LRRC38: variants seen among roughly 807,000 people sequenced by gnomAD.
LRRC38 encodes the protein leucine rich repeat containing 38.
A neutral mutation model predicts 16.4 loss-of-function variants in LRRC38; 5 were observed. The observed-to-expected ratio is 0.31, with a 90% confidence interval of 0.16 to 0.64. The LOEUF is 0.64. LRRC38 is among the 30% of genes least tolerant of loss of function. LRRC38 has a pLI of 0.80. For synonymous variants in LRRC38, 191 were observed against 190.2 expected, an observed-to-expected ratio of 1.00 and a Z score of -0.04; for missense variants, 341 against 401.8, an observed-to-expected ratio of 0.85 and a Z score of 1.29.
At chr1:13,493,044 C>T (rs1639035711) in intron 1 of LRRC38, among the ~76,000 whole-genome samples, 1 of 152,218 alleles carries the variant, frequency 6.6e-6, no homozygotes, top group African/African-American at 2.4e-5. Context: ...CCAGGGATAT[C>T]TTCCCGTGAG....
intron 1 of LRRC38, among the ~76,000 whole-genome samples, chr1:13,505,670 C>G (rs576332474): frequency 4.7e-4 from 71 of 152,130 alleles, no homozygotes; most frequent in Non-Finnish European, 7.9e-4. Context: ...AATGTTACGA[C>G]GTAACTACAA....
In LRRC38 at chr1:13,475,739, T is replaced by C; in HGVS notation, c.*107A>G. 1 of 1,421,722 alleles carries C rather than the reference T, an allele frequency of 7.0e-7. No homozygotes were observed. Among genetic ancestry groups the C allele is most frequent in the Non-Finnish European group, 9.4e-7 (1 of 1,059,426 alleles). 88.1% of individuals were successfully genotyped at this position (1,421,722 alleles called of 1,614,324 possible). A position where few individuals can be genotyped will look rare whatever the true frequency, so the allele number is the denominator to read the frequency against. On this transcript the variant is annotated 3_prime_UTR_variant, in exon 2 of 2. Coordinates refer to ENST00000376085, the MANE Select transcript of LRRC38 (RefSeq NM_001010847.2). This position sits in a 1 kb window ranked among gnomAD's most constrained non-coding sequence, Gnocchi z 4.3. ...AAGACACGGAACAGGCTCTGTTCAG[T>C]TCACAGATGGTGGCCAGTGCTTTTC... is the stretch of plus-strand genomic sequence containing the variant.
At chr1:13,480,646 GT>G (rs1277460202) in intron 1 of LRRC38, among the ~76,000 whole-genome samples, 3 of 151,850 alleles carry the variant, frequency 2.0e-5, no homozygotes, top group African/African-American at 7.3e-5. Flanking sequence ...TTGTGAATAA[GT>G]CTCACTACCA....
intron 1 of LRRC38, among the ~76,000 whole-genome samples, chr1:13,481,903 G>A (rs1638874922): frequency 6.6e-6 from 1 of 151,784 alleles, no homozygotes; most frequent in Non-Finnish European, 1.5e-5. Flanking sequence ...AGCCCTGCTG[G>A]CACCCTGATC....
At chr1:13,476,336 T>C (rs1261608362) in intron 1 of LRRC38, among the ~76,000 whole-genome samples, 1 of 150,190 alleles carries the variant, frequency 6.7e-6, no homozygotes, top group Non-Finnish European at 1.5e-5. Flanking sequence ...TTCAGGTGTT[T>C]GTTTTTTGTT....
At position 13,482,155 on chromosome 1, in the gene LRRC38, T is replaced by C. The variant is rs192710612; in HGVS notation, c.632-6056A>G. ...GGATACAAAAGGAAGGAAGGGAAGA[T>C]GGAAGGAAGGCAGGGAGAGTGGGAG... On this transcript the variant is annotated intron_variant, in intron 1 of 1. Coordinates refer to ENST00000376085, the MANE Select transcript of LRRC38 (RefSeq NM_001010847.2). Among the ~76,000 whole-genome samples, 10 of 152,022 alleles carry C rather than the reference T, an allele frequency of 6.6e-5. No individual in the cohort carries two copies. In the East Asian group the frequency reaches 1.9e-3, roughly 29 times the overall value.
At chr1:13,476,138 G>A (rs1164716770) in intron 1 of LRRC38, 39 bp from the exon 2 acceptor site, 6 of 1,542,408 alleles carry the variant, frequency 3.9e-6, no homozygotes, top group South Asian at 1.2e-5. Flanking sequence ...GATTTAGACT[G>A]CAGCTCAAGG....
intron 1 of LRRC38, among the ~76,000 whole-genome samples, chr1:13,499,248 G>A (rs573972970): frequency 3.9e-5 from 6 of 152,116 alleles, no homozygotes; most frequent in East Asian, 1.9e-4. Flanking sequence ...ACAGGTGCCC[G>A]CCACCAAACC....
At chr1:13,509,824 G>A (rs1217198457) in intron 1 of LRRC38, among the ~76,000 whole-genome samples, 2 of 152,142 alleles carry the variant, frequency 1.3e-5, no homozygotes, top group Non-Finnish European at 2.9e-5. Flanking sequence ...CTTATACACA[G>A]TCCCACCATG....
At chr1:13,478,804 A>G (rs796320847) in intron 1 of LRRC38, among the ~76,000 whole-genome samples, 14 of 152,244 alleles carry the variant, frequency 9.2e-5, no homozygotes, top group African/African-American at 3.4e-4. Context: ...CAGAAACAGG[A>G]GATGGAGGAA....
At chr1:13,509,154 G>A (rs1477411549) in intron 1 of LRRC38, among the ~76,000 whole-genome samples, 2 of 152,078 alleles carry the variant, frequency 1.3e-5, no homozygotes, top group Non-Finnish European at 2.9e-5. Context: ...TTCCGCCCCA[G>A]TCCATCCTTC....
intron 1 of LRRC38, 39 bp downstream of exon 1, chr1:13,512,924 C>CCCCAA: frequency 1.6e-6 from 2 of 1,215,338 alleles, no homozygotes; most frequent in Non-Finnish European, 2.3e-6. Context: ...TCTCCCTGCC[C>CCCCAA]CCCTCCCTCC....
At chr1:13,481,087 C>T (rs1638847929) in intron 1 of LRRC38, among the ~76,000 whole-genome samples, 1 of 152,132 alleles carries the variant, frequency 6.6e-6, no homozygotes, top group African/African-American at 2.4e-5. Flanking sequence ...GATTAGGTAA[C>T]TAGGGTGTGG....
intron 1 of LRRC38, among the ~76,000 whole-genome samples, chr1:13,506,724 G>T (rs934950133): frequency 6.6e-6 from 1 of 152,230 alleles, no homozygotes; most frequent in Non-Finnish European, 1.5e-5. Context: ...CTCCCAAAGT[G>T]CTGGGATTAC....
rs540102627 is a variant in LRRC38 at position 13,513,142 on chromosome 1, A to G, written c.452T>C (p.Leu151Pro). Residue 151 changes from leucine (L) to proline (P), a missense_variant, in exon 1 of 2, where the codon CTG (leucine) becomes CCG (proline). Transcript: ENST00000376085. ...GAGCTCCAGCACCTGCAGCGACTCC[A>G]GGGTCTCGAAGGCGTCCTCGTGCAC... Reference protein sequence around the residue: ...VGVHEDAFETLESLQVLELND... With the variant: ...VGVHEDAFETPESLQVLELND... The G allele has an allele frequency of 9.7e-5, 150 of 1,550,398 alleles. No homozygotes were observed. Among genetic ancestry groups the G allele is most frequent in the Non-Finnish European group, 1.2e-4 (143 of 1,146,874 alleles).
chr1:13,492,294 T>C (rs1639023499), intron 1 of LRRC38, among the ~76,000 whole-genome samples: 1 of 152,230 alleles, frequency 6.6e-6, no homozygotes, highest in East Asian at 1.9e-4. Flanking sequence ...CAGAATTCCC[T>C]TGCTTTTTAA....
At chr1:13,476,175 C>G in intron 1 of LRRC38, 76 bp from the exon 2 acceptor site, 2 of 1,420,746 alleles carry the variant, frequency 1.4e-6, no homozygotes, top group Non-Finnish European at 1.9e-6. Context: ...AAGGCAGGTG[C>G]TTACAAAGCC....
At chr1:13,489,607 C>G (rs1175211274) in intron 1 of LRRC38, among the ~76,000 whole-genome samples, 1 of 152,168 alleles carries the variant, frequency 6.6e-6, no homozygotes, top group Admixed American at 6.5e-5. Context: ...GCACGTGCTA[C>G]AGTCGCTGCT....
At chr1:13,503,130 C>A (rs1431659983) in intron 1 of LRRC38, among the ~76,000 whole-genome samples, 1 of 152,124 alleles carries the variant, frequency 6.6e-6, no homozygotes, top group Non-Finnish European at 1.5e-5. Context: ...CACAAGAGGT[C>A]CCAGCATCAG....
Sources: gnomAD v4.1 joint callset for allele counts (sites outside exome capture counted in the v4.1 genomes callset) on GRCh38, gnomAD v4.1.1 for gene constraint, Gnocchi (gnomAD v3.1) non-coding constraint, MANE v1.5 for transcripts, NCBI Gene and HGNC (gene_info 2026-07-23, HGNC 2026-07-21) for gene names.